The following DCX variants were observed in gnomAD, a reference collection of about 807,000 sequenced individuals.
DCX encodes the protein doublecortin.
Under a neutral mutation model 20.9 loss-of-function variants are expected in DCX, and 4 were observed. The observed-to-expected ratio is 0.19, with a 90% CI of 0.09 to 0.44. The LOEUF is 0.44. Ranked by LOEUF, DCX falls within the 20% of genes least tolerant of loss-of-function variation. The pLI, the probability that DCX is intolerant of heterozygous loss-of-function variation, is 0.99. For missense variants in DCX, 133 were observed against 296.9 expected (o/e 0.45, Z 4.06); for synonymous variants, 103 against 111.4 (o/e 0.92, Z 0.47).
chrX:111,328,153 C>G (rs1421112302), intron 5 of DCX, among the ~76,000 whole-genome samples: 1 of 111,866 alleles, frequency 8.9e-6, no homozygotes, highest in African/African-American at 3.2e-5. Flanking sequence ...CTCATACACC[C>G]AAATTGGTTA....
chrX:111,335,750 A>G (rs1392622868), intron 3 of DCX, among the ~76,000 whole-genome samples: 1 of 111,681 alleles, frequency 9.0e-6, no homozygotes, highest in African/African-American at 3.3e-5. Flanking sequence ...GATTGAGACC[A>G]TCCTGGCCAA....
chrX:111,389,895 T>C (rs1926806114), intron 3 of DCX, among the ~76,000 whole-genome samples: 1 of 111,545 alleles, frequency 9.0e-6, no homozygotes, highest in Non-Finnish European at 1.9e-5. Flanking sequence ...TTGTATATTC[T>C]CCTCTCTTTG....
chrX:111,396,354 A>G, intron 3 of DCX, among the ~76,000 whole-genome samples: 1 of 112,242 alleles, frequency 8.9e-6, no homozygotes, highest in Admixed American at 9.5e-5. Context: ...TAGAACAAGC[A>G]CTAAAGGCCA....
At chrX:111,338,064 G>T (rs1354557501) in intron 3 of DCX, among the ~76,000 whole-genome samples, 3 of 112,000 alleles carry the variant, frequency 2.7e-5, no homozygotes, top group Non-Finnish European at 5.6e-5. Context: ...GTTGATGGAG[G>T]TATTCCTGGC....
At chrX:111,306,634 C>A (rs2095045931) in intron 6 of DCX, among the ~76,000 whole-genome samples, 1 of 111,000 alleles carries the variant, frequency 9.0e-6, no homozygotes, top group African/African-American at 3.3e-5. Flanking sequence ...TTCAAGCTCC[C>A]ATGGAACATC....
chrX:111,322,986 T>A (rs1476948817), intron 5 of DCX, among the ~76,000 whole-genome samples: 5 of 111,826 alleles, frequency 4.5e-5, no homozygotes, highest in Non-Finnish European at 9.4e-5. Context: ...TTGACACAGA[T>A]GAGTTTCCCT....
chrX:111,315,282 A>G (rs1430786480), intron 5 of DCX, among the ~76,000 whole-genome samples: 1 of 83,267 alleles, frequency 1.2e-5, no homozygotes, highest in Non-Finnish European at 2.3e-5. Flanking sequence ...ATGAACAGAC[A>G]CTTCTCAAAA....
chrX:111,395,849 G>A (rs1927277106), intron 3 of DCX, among the ~76,000 whole-genome samples: 1 of 112,289 alleles, frequency 8.9e-6, no homozygotes, highest in Non-Finnish European at 1.9e-5. Flanking sequence ...CATAACACTA[G>A]GAGAAGAGAG....
intron 3 of DCX, among the ~76,000 whole-genome samples, chrX:111,385,751 AAGAG>A (rs1206271304): frequency 6.7e-5 from 5 of 74,754 alleles, no homozygotes; most frequent in South Asian, 1.0e-3. Flanking sequence ...GGAAGGGAGA[AAGAG>A]AGAGGGAGGG....
chrX:111,407,195 A>T (rs1928272500), intron 2 of DCX, among the ~76,000 whole-genome samples: 2 of 111,894 alleles, frequency 1.8e-5, no homozygotes, highest in African/African-American at 6.5e-5. Context: ...AATGAGGCTT[A>T]GGGAATCTAG....
At chrX:111,340,030 A>G (rs1922082505) in intron 3 of DCX, among the ~76,000 whole-genome samples, 1 of 112,869 alleles carries the variant, frequency 8.9e-6, no homozygotes, top group Non-Finnish European at 1.9e-5. Flanking sequence ...CAGTCAGAGT[A>G]GTATTTTACA....
At chrX:111,357,634 T>C (rs1923845071) in intron 3 of DCX, among the ~76,000 whole-genome samples, 1 of 109,349 alleles carries the variant, frequency 9.1e-6, no homozygotes, top group Non-Finnish European at 1.9e-5. Flanking sequence ...TTTAAAAAAT[T>C]ACACGAGCAT....
chrX:111,331,497 G>A (rs1293360665), intron 4 of DCX, among the ~76,000 whole-genome samples: 2 of 112,026 alleles, frequency 1.8e-5, no homozygotes, highest in African/African-American at 6.5e-5. Flanking sequence ...CATGCCACAC[G>A]TTGATAGACA....
At chrX:111,340,206 G>T (rs1195625817) in intron 3 of DCX, among the ~76,000 whole-genome samples, 1 of 112,569 alleles carries the variant, frequency 8.9e-6, no homozygotes, top group East Asian at 2.8e-4. Flanking sequence ...GAGCTGTACT[G>T]CTTGGTCCCA....
Position 111,307,562 on chromosome X carries a change from G to T in DCX, c.1044+5077C>A, listed in dbSNP as rs140763610. 4.8e-3 allele frequency among the ~76,000 whole-genome samples: 531 copies of T among 110,975 alleles called. 1 individual carries two copies. Among genetic ancestry groups the T allele is most frequent in the African/African-American group, 0.017 (508 of 30,523 alleles). ...TTTTCCATTTAACTTCCCTTTTCAG[G>T]GTCCTTGCTTCTAGATCTTAAAATT... On this transcript the variant is annotated intron_variant, in intron 6 of 6. Coordinates refer to ENST00000636035, the MANE Select transcript of DCX (RefSeq NM_001195553.2).
chrX:111,302,905 T>G (rs867669251), intron 6 of DCX, among the ~76,000 whole-genome samples: 2 of 111,869 alleles, frequency 1.8e-5, no homozygotes, highest in African/African-American at 3.2e-5. Flanking sequence ...GTATCTTGTC[T>G]TTTTACACAC....
At chrX:111,320,087 T>C (rs1244230390) in intron 5 of DCX, among the ~76,000 whole-genome samples, 1 of 112,537 alleles carries the variant, frequency 8.9e-6, no homozygotes, top group African/African-American at 3.2e-5. Context: ...GTTGTAAAAA[T>C]GCAGACACTT....
At chrX:111,344,155 T>C (rs1211826809) in intron 3 of DCX, among the ~76,000 whole-genome samples, 1 of 112,118 alleles carries the variant, frequency 8.9e-6, no homozygotes, top group East Asian at 2.8e-4. Flanking sequence ...ATTATCTCAA[T>C]AGATGCAGAA....
intron 3 of DCX, among the ~76,000 whole-genome samples, chrX:111,363,169 C>T (rs1476412373): frequency 9.0e-6 from 1 of 110,917 alleles, no homozygotes; most frequent in East Asian, 2.9e-4. Context: ...GCAGGAAGAG[C>T]CTAACCTGCC....
Sources: gnomAD v4.1 joint callset for allele counts (sites outside exome capture counted in the v4.1 genomes callset) on GRCh38, gnomAD v4.1.1 for gene constraint, MANE v1.5 for transcripts, NCBI Gene and HGNC (gene_info 2026-07-23, HGNC 2026-07-21) for gene names.